PIP4K2B: variants seen among roughly 807,000 people sequenced by gnomAD.
PIP4K2B encodes phosphatidylinositol-5-phosphate 4-kinase type 2 beta.
PIP4K2B carries 3 observed loss-of-function variants against 42.0 expected under a neutral mutation model. The ratio of observed to expected loss-of-function variants is 0.07; its 90% confidence interval spans 0.03 to 0.18. The LOEUF is 0.18. PIP4K2B is among the 10% of genes least tolerant of loss of function. PIP4K2B has a pLI of 1.00. For synonymous variants in PIP4K2B, 204 were observed against 210.1 expected (o/e 0.97, Z 0.25); for missense variants, 332 against 562.3 (o/e 0.59, Z 4.14).
chr17:38,774,534 C>A (rs1046246091), intron 7 of PIP4K2B, among the ~76,000 whole-genome samples: 2 of 151,956 alleles, frequency 1.3e-5, no homozygotes, highest in African/African-American at 2.4e-5. Context: ...TTTGGGAGGC[C>A]GAGGCAGGCA....
At chr17:38,788,435 C>T (rs749264246) in intron 1 of PIP4K2B, among the ~76,000 whole-genome samples, 1 of 151,740 alleles carries the variant, frequency 6.6e-6, no homozygotes, top group Non-Finnish European at 1.5e-5. Flanking sequence ...CTCCTGAGCT[C>T]GTGATCCACC....
rs1909593886 is a variant in PIP4K2B, at chr17:38,779,766, A to T, written c.508-237T>A. 3 of 509,052 alleles carry T rather than the reference A, an allele frequency of 5.9e-6. No homozygotes were observed. In the South Asian group the frequency reaches 1.0e-4, roughly 17 times the overall value. 31.5% of individuals were successfully genotyped at this position (509,052 alleles called of 1,614,324 possible). A position where few individuals can be genotyped will look rare whatever the true frequency, so the allele number is the denominator to read the frequency against. On this transcript the variant is annotated intron_variant, in intron 4 of 9. Transcript: ENST00000619039. Reference sequence around the variant, plus strand: ...GAGGCAAGCTGAGCAGGTGGCTCAGAGCCCCTGTGGGTTCATATTATTAGT... The same window carrying T: ...GAGGCAAGCTGAGCAGGTGGCTCAGTGCCCCTGTGGGTTCATATTATTAGT...
chr17:38,766,851 G>A lies in PIP4K2B; in HGVS notation c.*2840C>T, dbSNP rs1180049458. ...GTTAATTAACAGGAACCAGGGCCAGGGGCCTTCATCTAGAGGTCAGTGGAG... is the reference window on the plus strand; with the variant it reads ...GTTAATTAACAGGAACCAGGGCCAGAGGCCTTCATCTAGAGGTCAGTGGAG... On this transcript the variant is annotated 3_prime_UTR_variant, in exon 10 of 10. Coordinates refer to ENST00000619039, the MANE Select transcript of PIP4K2B (RefSeq NM_003559.5). 1 of 152,714 alleles carries A rather than the reference G, an allele frequency of 6.5e-6. No homozygotes were observed. The highest frequency in any genetic ancestry group is 2.4e-5 in the African/African-American group (1 of 41,454). The allele number at this position is 152,714 out of a possible 1,614,324, so 9.5% of individuals were successfully genotyped here.
chr17:38,766,232 G>A lies in PIP4K2B; in HGVS notation c.*3459C>T, dbSNP rs1908696723. On this transcript the variant is annotated 3_prime_UTR_variant, in exon 10 of 10. Transcript: ENST00000619039. ...TGTCTGAATGGGTTTTCCCTTTCAG[G>A]ACCTCCTGCCCGCATGACTGCCAGG... is the stretch of plus-strand genomic sequence containing the variant. 6.6e-6 allele frequency: 1 copy of A among 152,344 alleles called. No homozygotes were observed. Among genetic ancestry groups the A allele is most frequent in the African/African-American group, 2.4e-5 (1 of 41,458 alleles). 9.4% of individuals were successfully genotyped at this position (152,344 alleles called of 1,614,324 possible). A position where few individuals can be genotyped will look rare whatever the true frequency, so the allele number is the denominator to read the frequency against.
At chr17:38,781,187 G>A (rs968176950) in intron 3 of PIP4K2B, among the ~76,000 whole-genome samples, 2 of 152,040 alleles carry the variant, frequency 1.3e-5, no homozygotes, top group African/African-American at 2.4e-5. Flanking sequence ...CCTCATCTCT[G>A]AGCCTGACAC....
rs557615840 is a variant in PIP4K2B at position 38,780,095 on chromosome 17, G to A, written c.507+357C>T. Among the ~76,000 whole-genome samples, 479 of 145,808 alleles carry A rather than the reference G, an allele frequency of 3.3e-3. 3 individuals carry two copies. The highest frequency in any genetic ancestry group is 5.9e-3 in the Non-Finnish European group (388 of 65,292). ...AGGACAGACACACAGATGGTGCCAC[G>A]GGGCTCCCTGCCTTCCTCATGGACA... is the stretch of plus-strand genomic sequence containing the variant. On this transcript the variant is annotated intron_variant, in intron 4 of 9. Transcript: ENST00000619039.
chr17:38,770,384 G>A, intron 9 of PIP4K2B, 52 bp downstream of exon 9: 1 of 1,085,236 alleles, frequency 9.2e-7, no homozygotes, highest in African/African-American at 1.6e-5. Context: ...CTGAGGGTAA[G>A]CACAGATGCA....
At chr17:38,774,852 G>A (rs1009160222) in intron 7 of PIP4K2B, among the ~76,000 whole-genome samples, 2 of 152,144 alleles carry the variant, frequency 1.3e-5, no homozygotes, top group African/African-American at 4.8e-5. Context: ...TTGTTTCTCT[G>A]GAGAACCCCA....
At position 38,767,041 on chromosome 17, in the gene PIP4K2B, C is replaced by G. The variant is rs1908742142; in HGVS notation, c.*2650G>C. The G allele has an allele frequency of 6.6e-6, 1 of 152,288 alleles. No individual in the cohort carries two copies. Among genetic ancestry groups the G allele is most frequent in the Non-Finnish European group, 1.5e-5 (1 of 68,064 alleles). 9.4% of individuals were successfully genotyped at this position (152,288 alleles called of 1,614,324 possible). Reference sequence around the variant, plus strand: ...CTAATCAGCCATGTCGTTATTCTTACACCTTTCTTCTTGGGAGACCCAACA... The same window carrying G: ...CTAATCAGCCATGTCGTTATTCTTAGACCTTTCTTCTTGGGAGACCCAACA... On this transcript the variant is annotated 3_prime_UTR_variant, in exon 10 of 10. Coordinates refer to ENST00000619039, the MANE Select transcript of PIP4K2B (RefSeq NM_003559.5).
At chr17:38,780,727 G>T in intron 3 of PIP4K2B, 123 bp from the exon 4 acceptor site, 10 of 878,198 alleles carry the variant, frequency 1.1e-5, no homozygotes, top group Non-Finnish European at 1.6e-5. Flanking sequence ...GGGACTCCCA[G>T]ATGGGAGTTT....
In PIP4K2B at chr17:38,769,361, C is replaced by T. The variant is rs1156632854; in HGVS notation, c.*330G>A. 1.7e-5 allele frequency: 5 copies of T among 289,294 alleles called. No homozygotes were observed. The highest frequency in any genetic ancestry group is 9.3e-5 in the South Asian group (1 of 10,760). 17.9% of individuals were successfully genotyped at this position (289,294 alleles called of 1,614,324 possible). On this transcript the variant is annotated 3_prime_UTR_variant, in exon 10 of 10. Transcript: ENST00000619039. ...CAGAAACAAAACCCAAATAAACCCA[C>T]GAAGTCATCTCTAGCCCCAAGGTAT...
chr17:38,799,388 C>A lies in PIP4K2B; in HGVS notation c.37G>T (p.Val13Leu). 1 of 1,605,642 alleles carries A rather than the reference C, an allele frequency of 6.2e-7. No individual in the cohort carries two copies. Among genetic ancestry groups the A allele is most frequent in the Non-Finnish European group, 8.5e-7 (1 of 1,177,782 alleles). ...SNCTSTTAVA[V>L]APLSASKTKT... ...GTCTTGCTGGCGCTGAGCGGCGCCA[C>A]CGCCACCGCCGTGGTGCTGGTGCAG... The change falls in exon 1 of 10, where the codon GTG (valine) becomes TTG (leucine). Residue 13 changes from valine to leucine, a missense_variant. Around this residue, in one of 6 missense-constraint regions of PIP4K2B, gnomAD observed 186 missense variants for 288.4 expected, o/e 0.64. Transcript: ENST00000619039. This position sits in a 1 kb window ranked among gnomAD's most constrained non-coding sequence, Gnocchi z 4.4.
chr17:38,776,891 C>A (rs1478047010), intron 7 of PIP4K2B, among the ~76,000 whole-genome samples: 2 of 152,082 alleles, frequency 1.3e-5, no homozygotes, highest in East Asian at 3.9e-4. Flanking sequence ...CAGAGAAGAA[C>A]CTGATTAGTG....
intron 1 of PIP4K2B, among the ~76,000 whole-genome samples, chr17:38,793,538 C>G (rs892244367): frequency 4.6e-5 from 7 of 152,120 alleles, no homozygotes; most frequent in African/African-American, 7.2e-5. Context: ...GCCACCATGC[C>G]AGGCCCCTCT....
At chr17:38,795,777 T>A in intron 1 of PIP4K2B, among the ~76,000 whole-genome samples, 1 of 148,314 alleles carries the variant, frequency 6.7e-6, no homozygotes, top group Non-Finnish European at 1.5e-5. Flanking sequence ...GAAAAGAATA[T>A]GTACAAATGG....
At chr17:38,788,577 C>A (rs1910167879) in intron 1 of PIP4K2B, among the ~76,000 whole-genome samples, 1 of 151,866 alleles carries the variant, frequency 6.6e-6, no homozygotes, top group South Asian at 2.1e-4. Context: ...CAGGGCCAGG[C>A]CTGGCACAGT....
At position 38,767,602 on chromosome 17, in the gene PIP4K2B, C is replaced by T. The variant is rs1311563311; in HGVS notation, c.*2089G>A. 6.6e-6 allele frequency: 1 copy of T among 152,146 alleles called. No individual in the cohort carries two copies. Among genetic ancestry groups the T allele is most frequent in the African/African-American group, 2.4e-5 (1 of 41,424 alleles). The allele number at this position is 152,146 out of a possible 1,614,324, so 9.4% of individuals were successfully genotyped here. A position where few individuals can be genotyped will look rare whatever the true frequency, so the allele number is the denominator to read the frequency against. On this transcript the variant is annotated 3_prime_UTR_variant, in exon 10 of 10. Coordinates refer to ENST00000619039, the MANE Select transcript of PIP4K2B (RefSeq NM_003559.5). Reference sequence around the variant, plus strand: ...GTCTTTAACCAGTAAGAATGTGTTACACTTTCCATACACATTATGGCAACA... The same window carrying T: ...GTCTTTAACCAGTAAGAATGTGTTATACTTTCCATACACATTATGGCAACA...
intron 7 of PIP4K2B, 131 bp downstream of exon 7, chr17:38,777,556 C>A: frequency 1.5e-6 from 1 of 679,438 alleles, no homozygotes; most frequent in Non-Finnish European, 2.7e-6. Context: ...TAAGTGCCCA[C>A]GCTGCTCAAA....
chr17:38,795,103 A>C (rs1910578699), intron 1 of PIP4K2B, among the ~76,000 whole-genome samples: 1 of 138,322 alleles, frequency 7.2e-6, no homozygotes, highest in Non-Finnish European at 1.5e-5. Flanking sequence ...CCATCTCAAA[A>C]AAAAAAAAAA....
Sources: gnomAD v4.1 joint callset for allele counts (sites outside exome capture counted in the v4.1 genomes callset) on GRCh38, gnomAD v4.1.1 for gene constraint, gnomAD v4.1.1 regional missense constraint, Gnocchi (gnomAD v3.1) non-coding constraint, MANE v1.5 for transcripts, NCBI Gene and HGNC (gene_info 2026-07-23, HGNC 2026-07-21) for gene names.